Variants in FAM9B observed in about 807,000 individuals in gnomAD.
The protein encoded by FAM9B is family with sequence similarity 9 member B.
A neutral mutation model predicts 16.6 loss-of-function variants in FAM9B; 18 were observed. That is an observed-to-expected ratio of 1.09 (90% CI 0.75 to 1.61). The LOEUF is 1.61. Ranked by LOEUF, FAM9B falls within the 40% of genes most tolerant of loss-of-function variation. The probability of loss-of-function intolerance (pLI) is 0.00; values close to 1 mark genes in which losing one functional copy is unlikely to be tolerated. For synonymous variants in FAM9B, 43 were observed against 42.6 expected (o/e 1.01, Z -0.03); for missense variants, 155 against 136.0 (o/e 1.14, Z -0.70).
At chrX:9,027,383 C>T (rs1229926009) in intron 7 of FAM9B, among the ~76,000 whole-genome samples, 4 of 111,535 alleles carry the variant, frequency 3.6e-5, no homozygotes, top group Non-Finnish European at 5.6e-5. Flanking sequence ...ATTTATGGAC[C>T]TCTTGCCTTC....
Position 9,032,526 on chromosome X carries a change from G to A in FAM9B, c.29-65C>T, listed in dbSNP as rs1470903639. The A allele has an allele frequency of 4.7e-6, 4 of 843,561 alleles. No homozygotes were observed. The East Asian group carries it at 1.9e-4, about 41-fold the overall frequency. 69.5% of individuals were successfully genotyped at this position (843,561 alleles called of 1,213,427 possible). ...GATGCTGCTGTGGACATTTTTTGTG[G>A]AGAAATGTACTAGTTGTAGACTTTT... On this transcript the variant is annotated intron_variant, in intron 2 of 8. Coordinates refer to ENST00000327220, the MANE Select transcript of FAM9B (RefSeq NM_205849.3).
Position 9,025,530 on chromosome X carries a change from A to C in FAM9B, c.546T>G (p.Ser182Arg). 8.3e-7 allele frequency: 1 copy of C among 1,206,991 alleles called. No homozygotes were observed. Among genetic ancestry groups the C allele is most frequent in the South Asian group, 1.8e-5 (1 of 56,040 alleles). ...AAAAACATGTCTAGTTATCAAGTTC[A>C]CTGTCTTCATCGGAAAAAACTCTGT... ...LCDRVFSDED[S>R]ELDN The change falls in exon 8 of 9, where the codon AGT becomes AGG. Residue 182 changes from serine (S) to arginine (R), a missense_variant. Transcript: ENST00000327220.
chrX:9,027,811 C>T, intron 7 of FAM9B, 57 bp downstream of exon 7: 2 of 931,076 alleles, frequency 2.1e-6, no homozygotes, highest in African/African-American at 1.9e-5. Context: ...AGCAGACTGT[C>T]TTCTATTATG....
At chrX:9,027,142 C>A (rs1259533518) in intron 7 of FAM9B, among the ~76,000 whole-genome samples, 1 of 112,078 alleles carries the variant, frequency 8.9e-6, no homozygotes. Context: ...TCGCAATTCA[C>A]AACGTGTTAA....
rs1293048094 is a variant in FAM9B, at chrX:9,025,522, T to C, written c.554A>G (p.Asp185Gly). ...RVFSDEDSEL[D>G]N is the part of the protein sequence containing the mutation. ...TTTTATTTAAAAACATGTCTAGTTA[T>C]CAAGTTCACTGTCTTCATCGGAAAA... Residue 185 changes from aspartate (D) to glycine (G), a missense_variant, in exon 8 of 9, where the codon GAT (aspartate) becomes GGT (glycine). Transcript: ENST00000327220. 2.5e-6 allele frequency: 3 copies of C among 1,201,736 alleles called. No individual in the cohort carries two copies. The highest frequency in any genetic ancestry group is 3.4e-6 in the Non-Finnish European group (3 of 889,589).
rs768454056 is a variant in FAM9B, at chrX:9,030,080, T to A, written c.281+181A>T. 7 of 915,744 alleles carry A rather than the reference T, an allele frequency of 7.6e-6. No individual in the cohort carries two copies. In the African/African-American group the frequency reaches 1.2e-4, roughly 16 times the overall value. 75.5% of individuals were successfully genotyped at this position (915,744 alleles called of 1,213,427 possible). A position where few individuals can be genotyped will look rare whatever the true frequency, so the allele number is the denominator to read the frequency against. ...TTCATTGGCTTCTAGGTAATATCTC[T>A]TAATTCTGTTAAACTGAGGTTATAA... On this transcript the variant is annotated intron_variant, in intron 5 of 8. Transcript: ENST00000327220.
chrX:9,026,088 T>G (rs1436104956), intron 7 of FAM9B, among the ~76,000 whole-genome samples: 2 of 111,502 alleles, frequency 1.8e-5, no homozygotes, highest in South Asian at 7.5e-4. Context: ...TAAAATGTTG[T>G]AGGTTAATGC....
chrX:9,033,588 C>A (rs1209460066), intron 1 of FAM9B, among the ~76,000 whole-genome samples: 4 of 94,284 alleles, frequency 4.2e-5, no homozygotes, highest in African/African-American at 1.6e-4. Context: ...CTTCTCCCCC[C>A]CTCGGCCCCT....
At chrX:9,025,680 T>A in intron 7 of FAM9B, 97 bp from the exon 8 acceptor site, 1 of 614,886 alleles carries the variant, frequency 1.6e-6, no homozygotes, top group Non-Finnish European at 2.5e-6. Context: ...GCTTTTAATA[T>A]TCAAAGGATG....
chrX:9,031,779 TA>T (rs1027766121), intron 4 of FAM9B: 13 of 149,124 alleles, frequency 8.7e-5, no homozygotes, highest in African/African-American at 3.8e-4. Context: ...AAGTAAAAGC[TA>T]AAAAAAACCA....
At position 9,028,716 on chromosome X, in the gene FAM9B, C is replaced by T. The variant is rs767421884; in HGVS notation, c.393+591G>A. Among the ~76,000 whole-genome samples the T allele has an allele frequency of 2.4e-4, 27 of 111,139 alleles. No homozygotes were observed. In the South Asian group the frequency reaches 8.8e-3, roughly 36 times the overall value. ...AGATAAATAATTTTTCCATGGTTTCCGAGCTAGCAATGGTCAAGCTAGAAT... is the reference window on the plus strand; with the variant it reads ...AGATAAATAATTTTTCCATGGTTTCTGAGCTAGCAATGGTCAAGCTAGAAT... On this transcript the variant is annotated intron_variant, in intron 6 of 8. Coordinates refer to ENST00000327220, the MANE Select transcript of FAM9B (RefSeq NM_205849.3).
At chrX:9,032,676 C>A (rs1921119118) in intron 2 of FAM9B, 1 of 578,662 alleles carries the variant, frequency 1.7e-6, no homozygotes, top group African/African-American at 2.3e-5. Flanking sequence ...CAGTAAACAA[C>A]GTACTACAGT....
rs1339200702 is a variant in FAM9B, at chrX:9,024,278, C to T, written c.*1131G>A. 1.8e-5 allele frequency: 2 copies of T among 111,236 alleles called. No individual in the cohort carries two copies. The highest frequency in any genetic ancestry group is 3.3e-5 in the African/African-American group (1 of 30,610). 9.2% of individuals were successfully genotyped at this position (111,236 alleles called of 1,213,427 possible). Reference sequence around the variant, plus strand: ...TCCATATAAACTTCCACATAATCCACGAATATTAAACTGGATAAACAAAGC... The same window carrying T: ...TCCATATAAACTTCCACATAATCCATGAATATTAAACTGGATAAACAAAGC... On this transcript the variant is annotated 3_prime_UTR_variant, in exon 9 of 9. Coordinates refer to ENST00000327220, the MANE Select transcript of FAM9B (RefSeq NM_205849.3).
intron 6 of FAM9B, among the ~76,000 whole-genome samples, chrX:9,028,775 G>T (rs749554680): frequency 9.0e-6 from 1 of 111,315 alleles, no homozygotes; most frequent in African/African-American, 3.3e-5. Flanking sequence ...CCCAGCCCTT[G>T]ACCACTGCAC....
intron 4 of FAM9B, chrX:9,030,837 A>T (rs773075647): frequency 8.9e-6 from 1 of 112,434 alleles, no homozygotes; most frequent in South Asian, 3.7e-4. Context: ...AAGCATTTTT[A>T]AGCAATCTAG....
In FAM9B at chrX:9,032,353, T is replaced by C; in HGVS notation, c.137A>G (p.Asp46Gly). Residue 46 changes from aspartate (D) to glycine (G), a missense_variant, in exon 3 of 9, where the codon GAT (aspartate) becomes GGT (glycine). By Grantham distance (94) the Asp-to-Gly change is moderately conservative (BLOSUM62 -1). Coordinates refer to ENST00000327220, the MANE Select transcript of FAM9B (RefSeq NM_205849.3). ...HGEREPFAET[D>G]EHTGANTKKP... ...TTAAACACTTTACCCCGTGTGTTCA[T>C]CTGTTTCAGCAAAAGGTTCTCTTTC... 8.3e-7 allele frequency: 1 copy of C among 1,211,699 alleles called. No homozygotes were observed. Among genetic ancestry groups the C allele is most frequent in the Non-Finnish European group, 1.1e-6 (1 of 895,512 alleles).
At chrX:9,033,453 GC>G in intron 1 of FAM9B, 4 of 796,755 alleles carry the variant, frequency 5.0e-6, no homozygotes, top group Non-Finnish European at 4.7e-6. Context: ...ACTGCCACTC[GC>G]CCCCCTGGAC....
chrX:9,028,651 T>A (rs1384911259), intron 6 of FAM9B, among the ~76,000 whole-genome samples: 2 of 111,823 alleles, frequency 1.8e-5, no homozygotes, highest in African/African-American at 6.5e-5. Flanking sequence ...GTAGATAAGA[T>A]AATTTGCCCA....
chrX:9,030,234 A>G, intron 5 of FAM9B, 27 bp downstream of exon 5: 1 of 1,173,689 alleles, frequency 8.5e-7, no homozygotes, highest in Non-Finnish European at 1.1e-6. Flanking sequence ...TATAAATATC[A>G]TTATGCAAAA....
Sources: gnomAD v4.1 joint callset for allele counts (sites outside exome capture counted in the v4.1 genomes callset) on GRCh38, gnomAD v4.1.1 for gene constraint, MANE v1.5 for transcripts, NCBI Gene and HGNC (gene_info 2026-07-23, HGNC 2026-07-21) for gene names.